MVP: variants seen among roughly 807,000 people sequenced by gnomAD.
MVP encodes the protein lung resistance-related protein.
A neutral mutation model predicts 83.5 loss-of-function variants in MVP; 62 were observed. That is an observed-to-expected ratio of 0.74 (90% CI 0.61 to 0.92). The LOEUF (loss-of-function observed/expected upper bound fraction) is 0.92, where lower values mean the gene tolerates loss of function less well. MVP is among the 40% of genes least tolerant of loss of function. The pLI is 0.00. For synonymous variants in MVP, 505 were observed against 504.1 expected (o/e 1.00, Z -0.02); for missense variants, 1,000 against 1,203.4 (o/e 0.83, Z 2.50).
intron 11 of MVP, 72 bp downstream of exon 11, chr16:29,844,951 C>A (rs1399609693): frequency 2.6e-6 from 4 of 1,523,560 alleles, no homozygotes; most frequent in Admixed American, 1.9e-5. Flanking sequence ...GATAACCTGG[C>A]ATCCCTTGTG....
At chr16:29,833,470 T>G (rs1185049013) in intron 3 of MVP, 1 of 14,908 alleles carries the variant, frequency 6.7e-5, no homozygotes, top group Non-Finnish European at 1.5e-4. Flanking sequence ...TGGCTACACT[T>G]TTTTTTTTTT....
At position 29,845,947 on chromosome 16, in the gene MVP, T is replaced by C. The variant is rs1192533984; in HGVS notation, c.2106T>C (p.Ala702=). The C allele has an allele frequency of 6.2e-7, 1 of 1,614,222 alleles. No individual in the cohort carries two copies. The highest frequency in any genetic ancestry group is 1.1e-5 in the South Asian group (1 of 91,086). ...TGGACCAGTCAGAAGCCGAGAAAGCTCGCAAGGAACTTTTGGAGCTGGAGG... is the reference window on the plus strand; with the variant it reads ...TGGACCAGTCAGAAGCCGAGAAAGCCCGCAAGGAACTTTTGGAGCTGGAGG... ...KILDQSEAEK[A]RKELLELEAL... The change falls in exon 12 of 15, where the codon GCT becomes GCC. Residue 702 remains alanine, a synonymous_variant. Transcript: ENST00000357402.
chr16:29,835,575 T>C, intron 5 of MVP, 129 bp from the exon 6 acceptor site: 1 of 607,990 alleles, frequency 1.6e-6, no homozygotes, highest in Non-Finnish European at 2.8e-6. Flanking sequence ...GTCAGGAACT[T>C]GAGCCTGGGG....
chr16:29,833,746 T>G lies in MVP; in HGVS notation c.335T>G (p.Leu112Arg). Reference sequence around the variant, plus strand: ...CTTCCCCACTAGGACATCACACCCCTGCAGGTGGTTCTGCCCAACACTGCC... The same window carrying G: ...CTTCCCCACTAGGACATCACACCCCGGCAGGTGGTTCTGCCCAACACTGCC... The part of the protein sequence containing the change: ...GEVLEKDITP[L>R]QVVLPNTALH... Residue 112 changes from leucine (L) to arginine (R), a missense_variant, in exon 4 of 15, where the codon CTG becomes CGG. Leu to Arg is a moderately radical substitution (Grantham distance 102, BLOSUM62 -2). Coordinates refer to ENST00000357402, the MANE Select transcript of MVP (RefSeq NM_005115.5). The G allele has an allele frequency of 6.2e-7, 1 of 1,614,040 alleles. No individual in the cohort carries two copies. Among genetic ancestry groups the G allele is most frequent in the Non-Finnish European group, 8.5e-7 (1 of 1,179,970 alleles).
At chr16:29,846,372 C>T (rs1392026492) in intron 13 of MVP, 88 bp downstream of exon 13, 9 of 1,440,018 alleles carry the variant, frequency 6.2e-6, no homozygotes, top group African/African-American at 2.9e-5. Context: ...TATAGGACAC[C>T]AGGTCCCCCA....
intron 5 of MVP, chr16:29,835,503 A>C (rs1025115193): frequency 1.2e-5 from 4 of 341,340 alleles, no homozygotes; most frequent in East Asian, 5.0e-5. Flanking sequence ...AAAAAAAAAA[A>C]AACTTTTAAA....
intron 7 of MVP, 101 bp from the exon 8 acceptor site, chr16:29,840,077 G>T: frequency 7.7e-7 from 1 of 1,292,154 alleles, no homozygotes; most frequent in East Asian, 2.3e-5. Context: ...TGGTGCTCTT[G>T]TCCTCCACAC....
intron 1 of MVP, among the ~76,000 whole-genome samples, chr16:29,826,811 C>T (rs2150751003): frequency 6.6e-6 from 1 of 151,224 alleles, no homozygotes; most frequent in African/African-American, 2.4e-5. Context: ...CTTGTAGTCC[C>T]AGCTACTTGG....
At chr16:29,831,459 C>A (rs76276692) in intron 3 of MVP, among the ~76,000 whole-genome samples, 3 of 151,786 alleles carry the variant, frequency 2.0e-5, no homozygotes, top group Non-Finnish European at 4.4e-5. Flanking sequence ...CGGCCTGTAC[C>A]GAGTTCTAAA....
intron 1 of MVP, 96 bp from the exon 2 acceptor site, chr16:29,830,419 T>G (rs1596912698): frequency 9.5e-7 from 1 of 1,051,758 alleles, no homozygotes. Context: ...CTGGAGGAGG[T>G]AGGGCCGTAT....
At chr16:29,834,108 GGTCCCCAC>G in intron 5 of MVP, 42 bp downstream of exon 5, 1 of 1,600,796 alleles carries the variant, frequency 6.2e-7, no homozygotes, top group Non-Finnish European at 8.5e-7. Context: ...GGGCAGGAGG[GGTCCCCAC>G]TGCAGGGGAA....
chr16:29,841,302 A>G lies in MVP; in HGVS notation c.1192-294A>G, dbSNP rs1483939601. ...TAACATTGAGCACCTTCTCTATGCC[A>G]AGAGCTGTTTGAGCTAGACATGTGA... On this transcript the variant is annotated intron_variant, in intron 8 of 14. Coordinates refer to ENST00000357402, the MANE Select transcript of MVP (RefSeq NM_005115.5). This position sits in a 1 kb window ranked among gnomAD's most constrained non-coding sequence, Gnocchi z 4.7. Among the ~76,000 whole-genome samples, 1 of 152,172 alleles carries G rather than the reference A, an allele frequency of 6.6e-6. No individual in the cohort carries two copies. The highest frequency in any genetic ancestry group is 1.5e-5 in the Non-Finnish European group (1 of 68,024).
At chr16:29,838,645 TAGTG>T (rs1228492060) in intron 7 of MVP, among the ~76,000 whole-genome samples, 2 of 151,860 alleles carry the variant, frequency 1.3e-5, no homozygotes, top group Admixed American at 6.6e-5. Context: ...CTGGGTAACA[TAGTG>T]AGACCCCATT....
At chr16:29,846,014 G>GCCAA (rs1567396861) in intron 12 of MVP, 35 bp downstream of exon 12, 1 of 1,613,374 alleles carries the variant, frequency 6.2e-7, no homozygotes, top group African/African-American at 1.3e-5. Context: ...ACTGGCAGGG[G>GCCAA]CCGAGGGTCT....
chr16:29,832,848 TGAGGTCAG>T (rs1382659107), intron 3 of MVP, among the ~76,000 whole-genome samples: 1 of 151,846 alleles, frequency 6.6e-6, no homozygotes, highest in Non-Finnish European at 1.5e-5. Context: ...GCAGATCACT[TGAGGTCAG>T]GAGTTTGAGA....
chr16:29,824,285 C>T (rs966851728), intron 1 of MVP, among the ~76,000 whole-genome samples: 2 of 146,726 alleles, frequency 1.4e-5, no homozygotes, highest in African/African-American at 5.0e-5. Flanking sequence ...CGAGAGTCTG[C>T]TTTAGACCAG....
In MVP at chr16:29,841,839, C is replaced by A; in HGVS notation, c.1435C>A (p.Arg479Ser). Reference sequence around the variant, plus strand: ...GTACGACTACCGAGAGAAGCGAGCCCGGTGAGTGCTGGCAGCGCAGGGTGT... The same window carrying A: ...GTACGACTACCGAGAGAAGCGAGCCAGGTGAGTGCTGGCAGCGCAGGGTGT... ...QVYDYREKRARVVFGPELVSL... is the reference protein window; with the variant it reads ...QVYDYREKRASVVFGPELVSL... Residue 479 changes from arginine (R) to serine (S), a missense_variant and splice_region_variant, in exon 9 of 15, where the codon CGC becomes AGC. Physicochemically the swap from Arg to Ser is moderately radical, Grantham distance 110. Transcript: ENST00000357402. The surrounding 1 kb of genome is among the most constrained non-coding windows in gnomAD (Gnocchi z 4.7). 1.9e-6 allele frequency: 3 copies of A among 1,609,240 alleles called. No individual in the cohort carries two copies. Among genetic ancestry groups the A allele is most frequent in the Non-Finnish European group, 2.5e-6 (3 of 1,179,824 alleles).
intron 3 of MVP, chr16:29,833,462 G>C (rs1247720139): frequency 1.8e-5 from 6 of 336,036 alleles, no homozygotes; most frequent in Admixed American, 5.1e-5. Flanking sequence ...ACCATGCCTG[G>C]CTACACTTTT....
chr16:29,831,161 T>C, intron 3 of MVP, 88 bp downstream of exon 3: 1 of 1,286,952 alleles, frequency 7.8e-7, no homozygotes, highest in Non-Finnish European at 1.0e-6. Context: ...CTTCTTTTTT[T>C]CTTTTCTTTT....
Sources: gnomAD v4.1 joint callset for allele counts (sites outside exome capture counted in the v4.1 genomes callset) on GRCh38, gnomAD v4.1.1 for gene constraint, Gnocchi (gnomAD v3.1) non-coding constraint, MANE v1.5 for transcripts, NCBI Gene and HGNC (gene_info 2026-07-23, HGNC 2026-07-21) for gene names.